FGFR1: variants seen among roughly 807,000 people sequenced by gnomAD.
FGFR1 encodes the protein fibroblast growth factor receptor 1.
FGFR1 carries 18 observed loss-of-function variants against 93.7 expected under a neutral mutation model. The ratio of observed to expected loss-of-function variants is 0.19; its 90% CI spans 0.13 to 0.28. The LOEUF is 0.28. FGFR1 is among the 10% of genes least tolerant of loss of function. FGFR1 has a pLI of 1.00. For synonymous variants in FGFR1, 448 were observed against 429.3 expected (o/e 1.04, Z -0.54); for missense variants, 731 against 1,080.4 (o/e 0.68, Z 4.53).
intron 2 of FGFR1, among the ~76,000 whole-genome samples, chr8:38,433,122 G>T (rs1823899099): frequency 6.6e-6 from 1 of 152,112 alleles, no homozygotes; most frequent in Non-Finnish European, 1.5e-5. Context: ...AGGCTCATTT[G>T]AGCCCAGGAG....
chr8:38,416,814 G>A lies in FGFR1; in HGVS notation c.1663+492C>T, dbSNP rs535743288. Among the ~76,000 whole-genome samples, 13 of 152,172 alleles carry A rather than the reference G, an allele frequency of 8.5e-5. No homozygotes were observed. The South Asian group carries it at 1.7e-3, about 19-fold the overall frequency. On this transcript the variant is annotated intron_variant, in intron 12 of 17. Coordinates refer to ENST00000447712, the MANE Select transcript of FGFR1 (RefSeq NM_023110.3). ...ATCTCCCAAGCTGGAGTACAATGGC[G>A]TGATCTTGGCTCACTGCAACCTCCA...
chr8:38,465,549 C>G (rs1326208421), intron 1 of FGFR1: 1 of 228,782 alleles, frequency 4.4e-6, no homozygotes, highest in African/African-American at 2.2e-5. Context: ...GTCGGGGCAG[C>G]CCCGGAGCTT....
At chr8:38,464,578 C>T (rs973310711) in intron 1 of FGFR1, among the ~76,000 whole-genome samples, 17 of 152,086 alleles carry the variant, frequency 1.1e-4, no homozygotes, top group African/African-American at 4.1e-4. Flanking sequence ...TATCCTAGCC[C>T]AAGTCTGACA....
At chr8:38,460,396 C>T (rs1240585200) in intron 1 of FGFR1, among the ~76,000 whole-genome samples, 4 of 152,158 alleles carry the variant, frequency 2.6e-5, no homozygotes, top group Non-Finnish European at 4.4e-5. Flanking sequence ...AACCCAGGTC[C>T]CTTGCTAAGT....
In FGFR1 at chr8:38,418,521, T is replaced by A. The variant is rs761632601; in HGVS notation, c.1285-148A>T. 2.2e-5 allele frequency: 23 copies of A among 1,028,302 alleles called. No individual in the cohort carries two copies. The Admixed American group carries it at 5.2e-4, about 23-fold the overall frequency. The allele number at this position is 1,028,302 out of a possible 1,614,324, so 63.7% of individuals were successfully genotyped here. On this transcript the variant is annotated intron_variant, in intron 9 of 17. Coordinates refer to ENST00000447712, the MANE Select transcript of FGFR1 (RefSeq NM_023110.3). The stretch of plus-strand genomic sequence containing the variant: ...TCAACACAGAGTGGTCCAAAGACCA[T>A]GGTAGGCCAGGAGGCCCAACTTCTA...
chr8:38,430,042 G>T, intron 2 of FGFR1, 94 bp from the exon 3 acceptor site: 1 of 1,254,108 alleles, frequency 8.0e-7, no homozygotes, highest in Non-Finnish European at 1.1e-6. Flanking sequence ...AATTACGCTG[G>T]CCACACGGAG....
Position 38,411,185 on chromosome 8 carries a change from G to A in FGFR1, c.*2443C>T, listed in dbSNP as rs1488936305. On this transcript the variant is annotated 3_prime_UTR_variant, in exon 18 of 18. Coordinates refer to ENST00000447712, the MANE Select transcript of FGFR1 (RefSeq NM_023110.3). ...TATTTGACAGCTAGCGCAGTCTTTG[G>A]GGAAATTTGTGGGTGATTTGAGTAG... 5.0e-6 allele frequency: 1 copy of A among 200,972 alleles called. No homozygotes were observed. The highest frequency in any genetic ancestry group is 1.0e-5 in the Non-Finnish European group (1 of 97,564). 12.4% of individuals were successfully genotyped at this position (200,972 alleles called of 1,614,324 possible). A position where few individuals can be genotyped will look rare whatever the true frequency, so the allele number is the denominator to read the frequency against.
intron 2 of FGFR1, among the ~76,000 whole-genome samples, chr8:38,439,368 G>C (rs910821105): frequency 6.6e-6 from 1 of 152,128 alleles, no homozygotes; most frequent in East Asian, 1.9e-4. Flanking sequence ...TCAATCCCCA[G>C]CAGTCACCTG....
In FGFR1 at chr8:38,420,349, C is replaced by A. The variant is rs117434058; in HGVS notation, c.1082-614G>T. Reference sequence around the variant, plus strand: ...ATGTCCCACTTTGGGTCTGTGTCATCTCTGTAGGGGCACACAGGTAAATAT... The same window carrying A: ...ATGTCCCACTTTGGGTCTGTGTCATATCTGTAGGGGCACACAGGTAAATAT... On this transcript the variant is annotated intron_variant, in intron 8 of 17. Transcript: ENST00000447712. The A allele has an allele frequency of 6.2e-3, 965 of 156,756 alleles. 7 individuals are homozygous for A. Among genetic ancestry groups the A allele is most frequent in the Non-Finnish European group, 1.0e-2 (703 of 70,384 alleles). The allele number at this position is 156,756 out of a possible 1,614,324, so 9.7% of individuals were successfully genotyped here.
Position 38,428,416 on chromosome 8 carries a change from C to T in FGFR1, c.378G>A (p.Glu126=). ...VNVSDALPSS[E]DDDDDDDSSS... ...AGGAGTCATCATCATCATCATCATCCTCCGAGGAGGGGAGAGCATCTATGG... is the reference window on the plus strand; with the variant it reads ...AGGAGTCATCATCATCATCATCATCTTCCGAGGAGGGGAGAGCATCTATGG... Residue 126 remains glutamate (E), a synonymous_variant, in exon 4 of 18, where the codon GAG becomes GAA. Transcript: ENST00000447712. The T allele has an allele frequency of 6.2e-7, 1 of 1,613,422 alleles. No homozygotes were observed. Among genetic ancestry groups the T allele is most frequent in the Non-Finnish European group, 8.5e-7 (1 of 1,179,798 alleles).
At chr8:38,447,997 C>A (rs1350105756) in intron 2 of FGFR1, among the ~76,000 whole-genome samples, 3 of 152,162 alleles carry the variant, frequency 2.0e-5, no homozygotes, top group African/African-American at 4.8e-5. Flanking sequence ...CAACTTTGTA[C>A]ACCCACACAA....
chr8:38,421,485 C>T (rs899208311), intron 8 of FGFR1, among the ~76,000 whole-genome samples: 6 of 152,164 alleles, frequency 3.9e-5, no homozygotes, highest in East Asian at 1.9e-4. Context: ...GACCCAAGGA[C>T]GGAAGGAGCC....
chr8:38,445,118 T>C (rs1323134284), intron 2 of FGFR1, among the ~76,000 whole-genome samples: 1 of 152,186 alleles, frequency 6.6e-6, no homozygotes, highest in African/African-American at 2.4e-5. Context: ...TGTGAGATGA[T>C]AGAGGGGCAT....
intron 2 of FGFR1, chr8:38,440,188 G>A (rs1009015184): frequency 2.1e-5 from 17 of 828,810 alleles, no homozygotes; most frequent in Non-Finnish European, 2.4e-5. Flanking sequence ...GGAGGAACTC[G>A]GGGTGGCTTT....
intron 12 of FGFR1, 49 bp from the exon 13 acceptor site, chr8:38,416,109 T>C (rs1469823226): frequency 4.5e-6 from 7 of 1,550,236 alleles, no homozygotes; most frequent in Non-Finnish European, 6.1e-6. Context: ...GGTGAGCAGG[T>C]TTGGCTTCAC....
Position 38,426,045 on chromosome 8 carries a change from C to T in FGFR1, c.745+77G>A. 6.2e-7 allele frequency: 1 copy of T among 1,606,846 alleles called. No homozygotes were observed. Among genetic ancestry groups the T allele is most frequent in the Non-Finnish European group, 8.5e-7 (1 of 1,175,804 alleles). The stretch of plus-strand genomic sequence containing the variant: ...TATCCTGACTCTGCCCCTAAGAAAC[C>T]TGGACACCCCGGCTGTGTTCTCCAA... On this transcript the variant is annotated intron_variant, in intron 6 of 17. Coordinates refer to ENST00000447712, the MANE Select transcript of FGFR1 (RefSeq NM_023110.3). This position sits in a 1 kb window ranked among gnomAD's most constrained non-coding sequence, Gnocchi z 4.1.
Position 38,411,504 on chromosome 8 carries a change from CAA to C in FGFR1, c.*2122_*2123del, listed in dbSNP as rs1003939301. ...AGCAGGTGCTATTTACAGAGAGAAA[CAA>C]AGAGAATTTTACAATAGTCGCCAAC... On this transcript the variant is annotated 3_prime_UTR_variant, in exon 18 of 18. Transcript: ENST00000447712. 21 of 228,474 alleles carry C rather than the reference CAA, an allele frequency of 9.2e-5. No individual in the cohort carries two copies. Among genetic ancestry groups the C allele is most frequent in the African/African-American group, 4.0e-4 (18 of 45,142 alleles). 14.2% of individuals were successfully genotyped at this position (228,474 alleles called of 1,614,324 possible).
intron 1 of FGFR1, among the ~76,000 whole-genome samples, chr8:38,464,650 T>A (rs1047483479): frequency 9.9e-5 from 15 of 152,186 alleles, no homozygotes; most frequent in African/African-American, 3.6e-4. Flanking sequence ...CTCCCACTAG[T>A]CCCTGGTGCG....
In FGFR1 at chr8:38,414,833, G is replaced by A; in HGVS notation, c.1923C>T (p.Asp641=). ...VTEDNVMKIA[D]FGLARDIHHI... ...GGTGAATGTCCCGTGCGAGGCCAAAGTCTGCTATCTTCATCACATTGTCCT... is the reference window on the plus strand; with the variant it reads ...GGTGAATGTCCCGTGCGAGGCCAAAATCTGCTATCTTCATCACATTGTCCT... Residue 641 remains aspartate (D), a synonymous_variant, in exon 14 of 18, where the codon GAC becomes GAT. Transcript: ENST00000447712. The A allele has an allele frequency of 6.2e-7, 1 of 1,613,944 alleles. No homozygotes were observed. The highest frequency in any genetic ancestry group is 8.5e-7 in the Non-Finnish European group (1 of 1,180,030).
Sources: allele counts gnomAD v4.1 joint callset (sites outside exome capture counted in the v4.1 genomes callset), GRCh38; gene constraint gnomAD v4.1.1; non-coding constraint Gnocchi (gnomAD v3.1); transcripts MANE v1.5; gene names NCBI Gene and HGNC (gene_info 2026-07-23, HGNC 2026-07-21).